The following THSD4 variants were observed in gnomAD, a reference collection of about 807,000 sequenced individuals.
THSD4 encodes thrombospondin type 1 domain containing 4, also known as thrombospondin type-1 domain-containing protein 4.
In THSD4, 69 loss-of-function variants were observed where a neutral mutation model predicts 119.0. That is an observed-to-expected ratio of 0.58 (90% CI 0.48 to 0.71). THSD4 has a LOEUF of 0.71. Ranked by LOEUF, THSD4 falls within the 30% of genes least tolerant of loss-of-function variation. The pLI, the probability that THSD4 is intolerant of heterozygous loss-of-function variation, is 0.00. For synonymous variants in THSD4, 524 were observed against 540.4 expected, an observed-to-expected ratio of 0.97 and a Z score of 0.42; for missense variants, 1,393 against 1,391.1, an observed-to-expected ratio of 1.00 and a Z score of -0.02.
At chr15:71,691,205 C>T (rs960377256) in intron 8 of THSD4, among the ~76,000 whole-genome samples, 4 of 152,174 alleles carry the variant, frequency 2.6e-5, no homozygotes, top group East Asian at 1.9e-4. Flanking sequence ...CTAAAGCTTC[C>T]GTAAAGGAAC....
At chr15:71,555,790 G>A (rs1261882879) in intron 7 of THSD4, among the ~76,000 whole-genome samples, 1 of 152,096 alleles carries the variant, frequency 6.6e-6, no homozygotes, top group Non-Finnish European at 1.5e-5. Flanking sequence ...TATACACTTA[G>A]AGTTAAATTT....
chr15:71,479,373 C>A (rs2047695060), intron 7 of THSD4, among the ~76,000 whole-genome samples: 2 of 152,000 alleles, frequency 1.3e-5, no homozygotes, highest in Admixed American at 1.3e-4. Flanking sequence ...AATTGGGTAA[C>A]CTTTCTCTTT....
chr15:71,368,900 A>G (rs1223327834), intron 6 of THSD4, among the ~76,000 whole-genome samples: 1 of 152,192 alleles, frequency 6.6e-6, no homozygotes, highest in African/African-American at 2.4e-5. Context: ...CACAATATTG[A>G]TTCTTCCTAT....
chr15:71,357,986 T>G (rs2045843500), intron 6 of THSD4, among the ~76,000 whole-genome samples: 1 of 152,224 alleles, frequency 6.6e-6, no homozygotes, highest in African/African-American at 2.4e-5. Context: ...TTGCTGTCTG[T>G]GAAGACTGTG....
At chr15:71,140,920 C>G (rs1362869167) in intron 1 of THSD4, among the ~76,000 whole-genome samples, 2 of 152,210 alleles carry the variant, frequency 1.3e-5, no homozygotes, top group African/African-American at 4.8e-5. Context: ...TTTGCCTATT[C>G]TAGGCATTAC....
At chr15:71,515,513 G>A (rs112735005) in intron 7 of THSD4, among the ~76,000 whole-genome samples, 139 of 152,244 alleles carry the variant, frequency 9.1e-4, no homozygotes, top group African/African-American at 3.2e-3. Flanking sequence ...CCCTGCCTGG[G>A]TCTCTGTGTC....
At chr15:71,117,944 G>A (rs1373841608) in intron 1 of THSD4, among the ~76,000 whole-genome samples, 1 of 152,118 alleles carries the variant, frequency 6.6e-6, no homozygotes, top group Non-Finnish European at 1.5e-5. Context: ...AACCACCCAG[G>A]GGAGAAAGGG....
intron 8 of THSD4, among the ~76,000 whole-genome samples, chr15:71,699,591 G>A (rs936472862): frequency 6.6e-6 from 1 of 152,180 alleles, no homozygotes; most frequent in Non-Finnish European, 1.5e-5. Context: ...TCCATGCTGA[G>A]ATCATACAGC....
At chr15:71,665,153 T>G (rs1053830255) in intron 8 of THSD4, among the ~76,000 whole-genome samples, 29 of 152,196 alleles carry the variant, frequency 1.9e-4, no homozygotes, top group African/African-American at 6.5e-4. Flanking sequence ...CTCGCCAGCA[T>G]CTGTTCTTTT....
In THSD4 at chr15:71,120,482, G is replaced by A. The variant is rs550347869; in HGVS notation, c.-80+4784G>A. 2.0e-4 allele frequency among the ~76,000 whole-genome samples: 31 copies of A among 152,312 alleles called. 1 individual carries two copies. The highest frequency in any genetic ancestry group is 1.6e-3 in the Admixed American group (24 of 15,302). ...GCCCTGCTTCTCTAGGGCGTGGTCC[G>A]AGGGCAGTGAGCCAGGTTCACAGTG... is the stretch of plus-strand genomic sequence containing the variant. On this transcript the variant is annotated intron_variant, in intron 1 of 17. Coordinates refer to ENST00000261862, the MANE Select transcript of THSD4 (RefSeq NM_024817.3).
intron 7 of THSD4, among the ~76,000 whole-genome samples, chr15:71,431,300 A>G (rs1409095348): frequency 1.3e-5 from 2 of 152,148 alleles, no homozygotes; most frequent in Non-Finnish European, 2.9e-5. Flanking sequence ...AGCTTTTTCC[A>G]TTGGAATTAT....
Position 71,127,679 on chromosome 15 carries a change from C to G in THSD4, c.-80+11981C>G, listed in dbSNP as rs371980116. On this transcript the variant is annotated intron_variant, in intron 1 of 17. Coordinates refer to ENST00000261862, the MANE Select transcript of THSD4 (RefSeq NM_024817.3). ...CCTAAAGGTTAGCAATGTTGAGGATCTTTTTATATACCTGTGGGCTGTTTG... is the reference window on the plus strand; with the variant it reads ...CCTAAAGGTTAGCAATGTTGAGGATGTTTTTATATACCTGTGGGCTGTTTG... Among the ~76,000 whole-genome samples, 11 of 152,254 alleles carry G rather than the reference C, an allele frequency of 7.2e-5. 1 individual carries two copies. The South Asian group carries it at 2.3e-3, about 32-fold the overall frequency.
rs139216387 is a variant in THSD4, at chr15:71,720,196, G to A, written c.1358-8353G>A. Among the ~76,000 whole-genome samples, 1,518 of 151,824 alleles carry A rather than the reference G, an allele frequency of 1.0e-2. 14 individuals carry two copies. The highest frequency in any genetic ancestry group is 0.016 in the Non-Finnish European group (1,087 of 67,948). On this transcript the variant is annotated intron_variant, in intron 8 of 17. Transcript: ENST00000261862. ...CTCTTAAGTAGCTGGGACCACAAGT[G>A]TATACCACCACTCCTGGCTAATTTT...
At chr15:71,649,652 G>A (rs998813969) in intron 7 of THSD4, among the ~76,000 whole-genome samples, 1 of 152,098 alleles carries the variant, frequency 6.6e-6, no homozygotes, top group African/African-American at 2.4e-5. Flanking sequence ...GATTGCTTTT[G>A]GCATCTTTGT....
chr15:71,662,595 A>C (rs8026078), intron 8 of THSD4, among the ~76,000 whole-genome samples: 2 of 151,838 alleles, frequency 1.3e-5, no homozygotes, highest in Non-Finnish European at 2.9e-5. Context: ...CTTTTAGTAC[A>C]TTTTCCCTGG....
intron 7 of THSD4, among the ~76,000 whole-genome samples, chr15:71,647,342 A>G (rs1237331161): frequency 6.6e-6 from 1 of 152,168 alleles, no homozygotes; most frequent in Non-Finnish European, 1.5e-5. Flanking sequence ...AGCCACCTGA[A>G]TTACTGTTAA....
At chr15:71,473,321 G>A (rs755998752) in intron 7 of THSD4, among the ~76,000 whole-genome samples, 5 of 152,274 alleles carry the variant, frequency 3.3e-5, no homozygotes, top group Non-Finnish European at 7.3e-5. Context: ...GCCCTCTAAA[G>A]TGCTGGGATT....
intron 15 of THSD4, among the ~76,000 whole-genome samples, chr15:71,760,611 G>A (rs958495641): frequency 6.6e-6 from 1 of 152,072 alleles, no homozygotes; most frequent in South Asian, 2.1e-4. Context: ...TCTTAGTTCC[G>A]GGGAGATCTG....
intron 6 of THSD4, among the ~76,000 whole-genome samples, chr15:71,343,542 C>A (rs1450037062): frequency 6.6e-6 from 1 of 152,126 alleles, no homozygotes; most frequent in Non-Finnish European, 1.5e-5. Flanking sequence ...TGGCACCCAG[C>A]AATCACTGGC....
Sources: allele counts gnomAD v4.1 joint callset (sites outside exome capture counted in the v4.1 genomes callset), GRCh38; gene constraint gnomAD v4.1.1; transcripts MANE v1.5; gene names NCBI Gene and HGNC (gene_info 2026-07-23, HGNC 2026-07-21).